MAP4: variants seen among roughly 807,000 people sequenced by gnomAD.
MAP4 encodes the protein microtubule associated protein 4.
Under a neutral mutation model 170.2 loss-of-function variants are expected in MAP4, and 76 were observed. The ratio of observed to expected loss-of-function variants is 0.45; its 90% CI spans 0.37 to 0.54. The LOEUF (loss-of-function observed/expected upper bound fraction) is 0.54. MAP4 is among the 20% of genes least tolerant of loss of function. The pLI is 0.00. For synonymous variants in MAP4, 909 were observed against 994.5 expected, an observed-to-expected ratio of 0.91 and a Z score of 1.62; for missense variants, 2,506 against 2,748.0, an observed-to-expected ratio of 0.91 and a Z score of 1.97.
intron 3 of MAP4, among the ~76,000 whole-genome samples, chr3:47,964,183 A>T (rs2166770): frequency 6.6e-6 from 1 of 152,018 alleles, no homozygotes; most frequent in African/African-American, 2.4e-5. Flanking sequence ...TCTGTGCAAA[A>T]GAACAGCATG....
At chr3:47,906,682 T>TCAC (rs2100033249) in intron 9 of MAP4, among the ~76,000 whole-genome samples, 2 of 140,840 alleles carry the variant, frequency 1.4e-5, no homozygotes, top group African/African-American at 5.3e-5. Context: ...AAACTCTGTC[T>TCAC]CAAAAAAAAA....
intron 10 of MAP4, among the ~76,000 whole-genome samples, chr3:47,898,929 C>T (rs563023722): frequency 2.0e-5 from 3 of 152,294 alleles, no homozygotes; most frequent in African/African-American, 7.2e-5. Flanking sequence ...CACTGCACTC[C>T]AGCCTGAGCG....
Position 47,958,753 on chromosome 3 carries a change from G to A in MAP4, c.292+19112C>T, listed in dbSNP as rs552663875. On this transcript the variant is annotated intron_variant, in intron 3 of 20. Coordinates refer to ENST00000683076, the MANE Select transcript of MAP4 (RefSeq NM_001385682.1). ...GGATGGAGTGCAGCGGCAAGATCTC[G>A]GCTCACTGCAACCTCCGCCTCCCAG... 5.3e-5 allele frequency among the ~76,000 whole-genome samples: 8 copies of A among 149,904 alleles called. No individual in the cohort carries two copies. In the South Asian group the frequency reaches 1.3e-3, roughly 24 times the overall value.
chr3:47,933,109 T>C (rs2100050819), intron 3 of MAP4, among the ~76,000 whole-genome samples: 1 of 151,998 alleles, frequency 6.6e-6, no homozygotes, highest in African/African-American at 2.4e-5. Context: ...TCAAAAGCAT[T>C]ATGCTAAGTG....
chr3:48,078,977 C>T (rs1176263997), intron 1 of MAP4, among the ~76,000 whole-genome samples: 2 of 152,062 alleles, frequency 1.3e-5, no homozygotes, highest in Non-Finnish European at 2.9e-5. Flanking sequence ...TTGAGACCAG[C>T]CTGGGCAACA....
At position 47,852,600 on chromosome 3, in the gene MAP4, AC is replaced by A; in HGVS notation, c.*333del. 4.1e-6 allele frequency: 3 copies of A among 730,014 alleles called. No homozygotes were observed. Among genetic ancestry groups the A allele is most frequent in the South Asian group, 2.1e-5 (1 of 47,166 alleles). The allele number at this position is 730,014 out of a possible 1,614,324, so 45.2% of individuals were successfully genotyped here. The stretch of plus-strand genomic sequence containing the variant: ...CCTAGATCCCAACTTAGCCTCAACC[AC>A]CCCAACCCCCTCCCAACCTCCTCCA... On this transcript the variant is annotated 3_prime_UTR_variant, in exon 21 of 21. Transcript: ENST00000683076.
rs1216726810 is a variant in MAP4 at position 47,911,141 on chromosome 3, C to T, written c.3280G>A (p.Gly1094Arg). 10 of 1,535,988 alleles carry T rather than the reference C, an allele frequency of 6.5e-6. No homozygotes were observed. Among genetic ancestry groups the T allele is most frequent in the Non-Finnish European group, 8.7e-6 (10 of 1,146,912 alleles). ...LPFLLDSQKD[G>R]RAVLIPSEPV... is the part of the protein sequence containing the mutation. Reference sequence around the variant, plus strand: ...TCACTCGGTATGAGAACAGCCCTTCCGTCCTTCTGGCTGTCCAGAAGAAAT... The same window carrying T: ...TCACTCGGTATGAGAACAGCCCTTCTGTCCTTCTGGCTGTCCAGAAGAAAT... Residue 1094 changes from glycine to arginine, a missense_variant, in exon 9 of 21, where the codon GGA becomes AGA. By Grantham distance (125) the Gly-to-Arg change is moderately radical (BLOSUM62 -2). Coordinates refer to ENST00000683076, the MANE Select transcript of MAP4 (RefSeq NM_001385682.1). The surrounding 1 kb of genome is among the most constrained non-coding windows in gnomAD (Gnocchi z 4.0).
At chr3:47,883,295 C>T (rs1020804959) in intron 10 of MAP4, among the ~76,000 whole-genome samples, 2 of 152,060 alleles carry the variant, frequency 1.3e-5, no homozygotes, top group African/African-American at 4.8e-5. Flanking sequence ...AGTGGCATGG[C>T]TCACCACGAC....
chr3:47,899,030 G>C (rs1407513668), intron 10 of MAP4, among the ~76,000 whole-genome samples: 1 of 152,106 alleles, frequency 6.6e-6, no homozygotes, highest in Non-Finnish European at 1.5e-5. Context: ...AAGAATTACA[G>C]ACATAATCTC....
chr3:48,068,316 T>G (rs549873417), intron 1 of MAP4, among the ~76,000 whole-genome samples: 2 of 150,568 alleles, frequency 1.3e-5, no homozygotes, highest in Non-Finnish European at 3.0e-5. Flanking sequence ...CCAGCTCTAC[T>G]AATTAAAAAC....
At chr3:48,070,291 A>AG (rs2100140317) in intron 1 of MAP4, among the ~76,000 whole-genome samples, 1 of 151,476 alleles carries the variant, frequency 6.6e-6, no homozygotes, top group Non-Finnish European at 1.5e-5. Flanking sequence ...AGCCTCCCAA[A>AG]GTGCTGGGAT....
At chr3:48,071,876 C>T (rs1159145071) in intron 1 of MAP4, among the ~76,000 whole-genome samples, 2 of 151,470 alleles carry the variant, frequency 1.3e-5, no homozygotes, top group Non-Finnish European at 2.9e-5. Context: ...TTCACTCCAG[C>T]CTAGGCAACA....
intron 1 of MAP4, among the ~76,000 whole-genome samples, chr3:48,006,739 A>T (rs1364925431): frequency 6.6e-6 from 1 of 152,240 alleles, no homozygotes; most frequent in African/African-American, 2.4e-5. Flanking sequence ...GATTCCCACC[A>T]CATCCCCATT....
chr3:47,994,296 A>G (rs1045522032), intron 2 of MAP4, among the ~76,000 whole-genome samples: 2 of 152,308 alleles, frequency 1.3e-5, no homozygotes, highest in South Asian at 4.1e-4. Context: ...TGCACGGTGG[A>G]GACATTTGTT....
At chr3:48,024,944 C>CA (rs1246955580) in intron 1 of MAP4, among the ~76,000 whole-genome samples, 6 of 151,588 alleles carry the variant, frequency 4.0e-5, no homozygotes, top group Non-Finnish European at 5.9e-5. Flanking sequence ...AAAGGCAGTG[C>CA]AATCATTTCT....
At chr3:47,905,429 G>C (rs756797042) in intron 9 of MAP4, among the ~76,000 whole-genome samples, 26 of 151,902 alleles carry the variant, frequency 1.7e-4, no homozygotes, top group Non-Finnish European at 3.1e-4. Context: ...CAGAAATTTA[G>C]GGTATGACAA....
intron 1 of MAP4, among the ~76,000 whole-genome samples, chr3:48,003,190 C>T (rs1433343485): frequency 1.3e-5 from 2 of 152,102 alleles, no homozygotes; most frequent in South Asian, 4.2e-4. Context: ...CGCAATGGCT[C>T]ACACCTGTAA....
intron 1 of MAP4, among the ~76,000 whole-genome samples, chr3:48,063,399 T>C (rs1005638730): frequency 6.8e-6 from 1 of 147,940 alleles, no homozygotes; most frequent in Non-Finnish European, 1.5e-5. Context: ...GCGAGACCTG[T>C]GTCTTAAAAA....
Position 47,852,609 on chromosome 3 carries a change from C to A in MAP4, c.*325G>T, listed in dbSNP as rs1354828100. On this transcript the variant is annotated 3_prime_UTR_variant, in exon 21 of 21. Coordinates refer to ENST00000683076, the MANE Select transcript of MAP4 (RefSeq NM_001385682.1). ...CAACTTAGCCTCAACCACCCCAACC[C>A]CCTCCCAACCTCCTCCACGGAGCAG... 1.5e-5 allele frequency: 12 copies of A among 802,694 alleles called. No homozygotes were observed. The highest frequency in any genetic ancestry group is 2.1e-5 in the Non-Finnish European group (11 of 530,152). The allele number at this position is 802,694 out of a possible 1,614,324, so 49.7% of individuals were successfully genotyped here.
Sources: allele counts gnomAD v4.1 joint callset (sites outside exome capture counted in the v4.1 genomes callset), GRCh38; gene constraint gnomAD v4.1.1; non-coding constraint Gnocchi (gnomAD v3.1); transcripts MANE v1.5; gene names NCBI Gene and HGNC (gene_info 2026-07-23, HGNC 2026-07-21).